The following FAM78B variants were observed in gnomAD, a reference collection of about 807,000 sequenced individuals.
FAM78B encodes the protein protein FAM78B.
A neutral mutation model predicts 20.0 loss-of-function variants in FAM78B; 10 were observed. The ratio of observed to expected loss-of-function variants is 0.50; its 90% CI spans 0.31 to 0.85. The LOEUF (loss-of-function observed/expected upper bound fraction) is 0.85. FAM78B is among the 40% of genes least tolerant of loss of function. FAM78B has a pLI of 0.05. For synonymous variants in FAM78B, 135 were observed against 132.8 expected (o/e 1.02, Z -0.12); for missense variants, 283 against 345.0 (o/e 0.82, Z 1.42).
chr1:166,166,108 G>T lies in FAM78B; in HGVS notation c.141C>A (p.Pro47=). Residue 47 remains proline, a synonymous_variant, in exon 1 of 2, where the codon CCC becomes CCA. Transcript: ENST00000354422. ...TSPIVLRYKT[P]YFKASARVVM... Reference sequence around the variant, plus strand: ...CCACGCGGGCGGAGGCTTTGAAGTAGGGGGTCTTGTAGCGCAGGACGATGG... The same window carrying T: ...CCACGCGGGCGGAGGCTTTGAAGTATGGGGTCTTGTAGCGCAGGACGATGG... 1.2e-6 allele frequency: 2 copies of T among 1,612,882 alleles called. No individual in the cohort carries two copies. The highest frequency in any genetic ancestry group is 2.2e-5 in the East Asian group (1 of 44,778).
At chr1:166,084,078 A>G (rs1442324763) in intron 1 of FAM78B, among the ~76,000 whole-genome samples, 1 of 152,012 alleles carries the variant, frequency 6.6e-6, no homozygotes, top group Non-Finnish European at 1.5e-5. Flanking sequence ...TGAAGTAGAG[A>G]AATGATTCAT....
chr1:166,111,018 T>A (rs1654031446), intron 1 of FAM78B, among the ~76,000 whole-genome samples: 1 of 152,096 alleles, frequency 6.6e-6, no homozygotes, highest in African/African-American at 2.4e-5. Context: ...AAATGACCAA[T>A]ATGAACTACC....
At chr1:166,109,374 AGGATATACAAAT>A (rs1456472930) in intron 1 of FAM78B, among the ~76,000 whole-genome samples, 1 of 152,218 alleles carries the variant, frequency 6.6e-6, no homozygotes. Flanking sequence ...TTCTCAAAAG[AGGATATACAAAT>A]GGCCAACAAA....
chr1:166,165,654 G>A (rs941051355), intron 1 of FAM78B, among the ~76,000 whole-genome samples: 19 of 152,042 alleles, frequency 1.2e-4, no homozygotes, highest in African/African-American at 4.3e-4. Flanking sequence ...AGCACAGACG[G>A]CGCCCTGAAA....
chr1:166,092,579 G>C (rs1653119827), intron 1 of FAM78B, among the ~76,000 whole-genome samples: 2 of 152,174 alleles, frequency 1.3e-5, no homozygotes, highest in Admixed American at 1.3e-4. Context: ...TTGTCATGAA[G>C]GTTGCAGACT....
intron 1 of FAM78B, among the ~76,000 whole-genome samples, chr1:166,113,205 AC>A (rs1490538176): frequency 1.3e-5 from 2 of 152,228 alleles, no homozygotes; most frequent in East Asian, 3.9e-4. Context: ...CTTGGCCAAG[AC>A]CCTCCTTTGG....
chr1:166,166,314 G>A lies in FAM78B; in HGVS notation c.-66C>T, dbSNP rs939875984. On this transcript the variant is annotated 5_prime_UTR_variant, in exon 1 of 2. Coordinates refer to ENST00000354422, the MANE Select transcript of FAM78B (RefSeq NM_001017961.5). ...CGGGGGCCCGCGCGGGCAGCCGGGG[G>A]CGCCCGTCACGCCGGCATGGCGACG... 9 of 1,132,230 alleles carry A rather than the reference G, an allele frequency of 7.9e-6. No individual in the cohort carries two copies. Among genetic ancestry groups the A allele is most frequent in the Admixed American group, 9.8e-5 (2 of 20,486 alleles). The allele number at this position is 1,132,230 out of a possible 1,614,324, so 70.1% of individuals were successfully genotyped here.
intron 1 of FAM78B, among the ~76,000 whole-genome samples, chr1:166,098,900 TG>T (rs1653390380): frequency 6.6e-6 from 1 of 152,170 alleles, no homozygotes; most frequent in Non-Finnish European, 1.5e-5. Flanking sequence ...AAAGAACACC[TG>T]GGAAATTCAT....
At chr1:166,136,994 C>T (rs1655089041) in intron 1 of FAM78B, among the ~76,000 whole-genome samples, 1 of 152,128 alleles carries the variant, frequency 6.6e-6, no homozygotes, top group South Asian at 2.1e-4. Context: ...ATACTAAGCT[C>T]CTAATGGAAA....
intron 1 of FAM78B, among the ~76,000 whole-genome samples, chr1:166,131,583 A>AGGG (rs1000218869): frequency 6.6e-6 from 1 of 152,130 alleles, no homozygotes; most frequent in Non-Finnish European, 1.5e-5. Flanking sequence ...GACCTATCTT[A>AGGG]GGGGGCTCTG....
intron 1 of FAM78B, among the ~76,000 whole-genome samples, chr1:166,154,289 A>G (rs1392808698): frequency 6.6e-6 from 1 of 152,178 alleles, no homozygotes; most frequent in Non-Finnish European, 1.5e-5. Flanking sequence ...TAAGGGGGGT[A>G]TTGAGGGGTG....
chr1:166,060,343 G>T (rs138420201), exon 3 of FAM78B: 93 of 334,934 alleles, frequency 2.8e-4, no homozygotes, highest in African/African-American at 1.9e-3. Context: ...GAAAGGACTT[G>T]GGATCTGAAT....
chr1:166,150,068 T>C (rs1655616617), intron 1 of FAM78B, among the ~76,000 whole-genome samples: 1 of 152,202 alleles, frequency 6.6e-6, no homozygotes, highest in Non-Finnish European at 1.5e-5. Context: ...CTTCGGACTC[T>C]GATACTGCAT....
At chr1:166,088,068 A>T (rs1431313323) in intron 1 of FAM78B, among the ~76,000 whole-genome samples, 3 of 152,026 alleles carry the variant, frequency 2.0e-5, no homozygotes, top group Non-Finnish European at 2.9e-5. Flanking sequence ...AGATGCTTTG[A>T]CCCAATTCTG....
chr1:166,136,104 G>A (rs185651986), intron 1 of FAM78B, among the ~76,000 whole-genome samples: 2 of 152,268 alleles, frequency 1.3e-5, no homozygotes, highest in East Asian at 3.9e-4. Flanking sequence ...TTCTAGGTGG[G>A]CTAAGTACAG....
At chr1:166,084,237 A>ACACACACACACTCTCT (rs771421402) in intron 1 of FAM78B, among the ~76,000 whole-genome samples, 8 of 125,418 alleles carry the variant, frequency 6.4e-5, no homozygotes, top group Non-Finnish European at 1.2e-4. Context: ...ACACACACAC[A>ACACACACACACTCTCT]CTCTCTCTCT....
chr1:166,157,320 G>A (rs1039458175), intron 1 of FAM78B, among the ~76,000 whole-genome samples: 9 of 151,692 alleles, frequency 5.9e-5, no homozygotes, highest in African/African-American at 1.7e-4. Flanking sequence ...AATCACAAGT[G>A]TTGATTCCTA....
At chr1:166,097,599 T>C (rs1653337588) in intron 1 of FAM78B, among the ~76,000 whole-genome samples, 2 of 152,234 alleles carry the variant, frequency 1.3e-5, no homozygotes, top group South Asian at 4.1e-4. Context: ...GGGTAAGGCC[T>C]GTGACTGCTG....
chr1:166,093,479 CAG>C (rs1653157341), intron 1 of FAM78B, among the ~76,000 whole-genome samples: 1 of 152,140 alleles, frequency 6.6e-6, no homozygotes, highest in South Asian at 2.1e-4. Flanking sequence ...AGAGAAGAAA[CAG>C]AAACATTACT....
Sources: gnomAD v4.1 joint callset for allele counts (sites outside exome capture counted in the v4.1 genomes callset) on GRCh38, gnomAD v4.1.1 for gene constraint, MANE v1.5 for transcripts, NCBI Gene and HGNC (gene_info 2026-07-23, HGNC 2026-07-21) for gene names.